Variants in MCF2L2 observed in about 807,000 individuals in gnomAD.
The protein encoded by MCF2L2 is probable guanine nucleotide exchange factor MCF2L2.
Under a neutral mutation model 150.2 loss-of-function variants are expected in MCF2L2, and 102 were observed. That is an observed-to-expected ratio of 0.68 (90% confidence interval 0.58 to 0.80). The LOEUF (loss-of-function observed/expected upper bound fraction) is 0.80, where lower values mean the gene tolerates loss of function less well. Among genes scored for constraint, MCF2L2 ranks in the 30% least tolerant of loss-of-function variants. The probability of loss-of-function intolerance (pLI) is 0.00; values close to 1 mark genes in which losing one functional copy is unlikely to be tolerated. For synonymous variants in MCF2L2, 465 were observed against 491.3 expected (o/e 0.95, Z 0.71); for missense variants, 1,256 against 1,372.8 (o/e 0.91, Z 1.34).
chr3:183,419,580 T>A (rs1715773607), intron 1 of MCF2L2, among the ~76,000 whole-genome samples: 1 of 152,194 alleles, frequency 6.6e-6, no homozygotes, highest in Admixed American at 6.5e-5. Flanking sequence ...AAGTCTTGAA[T>A]ACTTTGCTGT....
At position 183,180,952 on chromosome 3, in the gene MCF2L2, T is replaced by C. The variant is rs952766565; in HGVS notation, c.3017-793A>G. Among the ~76,000 whole-genome samples the C allele has an allele frequency of 7.9e-5, 12 of 152,340 alleles. 1 individual carries two copies. The highest frequency in any genetic ancestry group is 6.5e-4 in the Admixed American group (10 of 15,306). On this transcript the variant is annotated intron_variant, in intron 27 of 29. Coordinates refer to ENST00000328913, the MANE Select transcript of MCF2L2 (RefSeq NM_015078.4). ...AGTGAGATGGAGTCTCTGCCCCACA[T>C]GGCTCACAAGCCAGGGTAGGGAGCA...
intron 3 of MCF2L2, among the ~76,000 whole-genome samples, chr3:183,362,442 G>A (rs1307692252): frequency 6.6e-6 from 1 of 152,052 alleles, no homozygotes; most frequent in Non-Finnish European, 1.5e-5. Context: ...AATCTGTACT[G>A]AAAAAGAGTT....
intron 15 of MCF2L2, among the ~76,000 whole-genome samples, chr3:183,275,788 A>C (rs1409872543): frequency 6.6e-6 from 1 of 152,002 alleles, no homozygotes; most frequent in Non-Finnish European, 1.5e-5. Context: ...TAAATGTTTT[A>C]ATTTCTTGTG....
intron 3 of MCF2L2, among the ~76,000 whole-genome samples, chr3:183,367,278 T>G (rs1204894978): frequency 2.0e-5 from 3 of 150,820 alleles, no homozygotes; most frequent in Non-Finnish European, 4.4e-5. Flanking sequence ...CAGGCTGGAG[T>G]GCAACAGCGC....
chr3:183,288,807 T>G (rs1011282394), intron 14 of MCF2L2, among the ~76,000 whole-genome samples: 1 of 152,182 alleles, frequency 6.6e-6, no homozygotes, highest in African/African-American at 2.4e-5. Context: ...ACATGAACCA[T>G]ACACTGTTCT....
chr3:183,350,330 T>C (rs1367229386), intron 3 of MCF2L2, among the ~76,000 whole-genome samples: 1 of 151,968 alleles, frequency 6.6e-6, no homozygotes, highest in Non-Finnish European at 1.5e-5. Context: ...CCCTCTCTTA[T>C]TCAACAAAGG....
intron 11 of MCF2L2, chr3:183,297,371 C>A (rs993856856): frequency 4.4e-5 from 23 of 527,614 alleles, no homozygotes; most frequent in Non-Finnish European, 6.8e-5. Context: ...TGATACCTGT[C>A]CACTTCTCAG....
intron 1 of MCF2L2, among the ~76,000 whole-genome samples, chr3:183,426,976 C>A (rs1200803491): frequency 1.3e-5 from 2 of 152,214 alleles, no homozygotes; most frequent in African/African-American, 4.8e-5. Context: ...ACCAAGAAAG[C>A]AGCTTTCACA....
chr3:183,350,905 A>G (rs1731089845), intron 3 of MCF2L2, among the ~76,000 whole-genome samples: 1 of 146,878 alleles, frequency 6.8e-6, no homozygotes, highest in Admixed American at 6.8e-5. Flanking sequence ...CTCCGTCTCA[A>G]AAAAAAAAAA....
intron 3 of MCF2L2, among the ~76,000 whole-genome samples, chr3:183,358,125 T>C (rs905481749): frequency 1.3e-5 from 2 of 151,708 alleles, no homozygotes; most frequent in Non-Finnish European, 2.9e-5. Flanking sequence ...CCTTCTCTAC[T>C]AAAAAAATAC....
chr3:183,226,449 A>AC (rs1217564871), intron 18 of MCF2L2: 1 of 152,180 alleles, frequency 6.6e-6, no homozygotes, highest in African/African-American at 2.4e-5. Context: ...CTCAAGAAAA[A>AC]AAAAAAAAGT....
chr3:183,422,303 C>T (rs1179315242), intron 1 of MCF2L2, among the ~76,000 whole-genome samples: 1 of 152,206 alleles, frequency 6.6e-6, no homozygotes, highest in Non-Finnish European at 1.5e-5. Flanking sequence ...TTCCCACACT[C>T]AGTTTTAGCT....
At chr3:183,326,865 C>A (rs1444042720) in intron 5 of MCF2L2, among the ~76,000 whole-genome samples, 2 of 152,132 alleles carry the variant, frequency 1.3e-5, no homozygotes, top group Non-Finnish European at 2.9e-5. Flanking sequence ...TGAACCCCGG[C>A]AAACACTAAT....
intron 3 of MCF2L2, among the ~76,000 whole-genome samples, chr3:183,359,003 GTTT>G (rs111465269): frequency 7.0e-6 from 1 of 143,372 alleles, no homozygotes; most frequent in Admixed American, 7.0e-5. Flanking sequence ...AGTTCATTGG[GTTT>G]TTTTTTTTTT....
chr3:183,181,460 G>A lies in MCF2L2; in HGVS notation c.3017-1301C>T, dbSNP rs1362164685. On this transcript the variant is annotated intron_variant, in intron 27 of 29. Transcript: ENST00000328913. The surrounding 1 kb of genome is among the most constrained non-coding windows in gnomAD (Gnocchi z 4.3). ...GAGTTCCTAGTCCCAGGAGGTGGGAGGGGCAAGGGGTGGAGGGCAGAGGAG... is the reference window on the plus strand; with the variant it reads ...GAGTTCCTAGTCCCAGGAGGTGGGAAGGGCAAGGGGTGGAGGGCAGAGGAG... Among the ~76,000 whole-genome samples the A allele has an allele frequency of 1.3e-5, 2 of 152,104 alleles. No homozygotes were observed. The highest frequency in any genetic ancestry group is 1.5e-5 in the Non-Finnish European group (1 of 68,000).
At chr3:183,191,262 C>T (rs1721881673) in intron 27 of MCF2L2, among the ~76,000 whole-genome samples, 1 of 40,672 alleles carries the variant, frequency 2.5e-5, no homozygotes, top group Non-Finnish European at 5.9e-5. Flanking sequence ...TGTGCTCACA[C>T]ATGCATGGCC....
chr3:183,301,091 T>G (rs1264205423), intron 10 of MCF2L2, among the ~76,000 whole-genome samples: 1 of 151,442 alleles, frequency 6.6e-6, no homozygotes, highest in Non-Finnish European at 1.5e-5. Context: ...CTGTCTACAC[T>G]GACCCTGTCT....
At chr3:183,258,129 A>G (rs745720097) in intron 15 of MCF2L2, among the ~76,000 whole-genome samples, 2 of 151,350 alleles carry the variant, frequency 1.3e-5, no homozygotes, top group Non-Finnish European at 1.5e-5. Flanking sequence ...CACCACACCC[A>G]GCTAATTTTT....
At position 183,370,577 on chromosome 3, in the gene MCF2L2, A is replaced by G. The variant is rs548547670; in HGVS notation, c.275+8720T>C. On this transcript the variant is annotated intron_variant, in intron 3 of 29. Coordinates refer to ENST00000328913, the MANE Select transcript of MCF2L2 (RefSeq NM_015078.4). The stretch of plus-strand genomic sequence containing the variant: ...TTTCTATCTGAACAAAACAGAATAG[A>G]TGACGCAAAGGCAGAACAGTGAGGA... Among the ~76,000 whole-genome samples the G allele has an allele frequency of 2.6e-5, 4 of 152,378 alleles. No homozygotes were observed. In the East Asian group the frequency reaches 7.7e-4, roughly 29 times the overall value.
Sources: allele counts gnomAD v4.1 joint callset (sites outside exome capture counted in the v4.1 genomes callset), GRCh38; gene constraint gnomAD v4.1.1; non-coding constraint Gnocchi (gnomAD v3.1); transcripts MANE v1.5; gene names NCBI Gene and HGNC (gene_info 2026-07-23, HGNC 2026-07-21).